UNC79: variants seen among roughly 807,000 people sequenced by gnomAD.
UNC79 encodes unc-79 subunit of NALCN channel complex.
UNC79 carries 37 observed loss-of-function variants against 283.1 expected under a neutral mutation model. The observed-to-expected ratio is 0.13, with a 90% CI of 0.10 to 0.17. The LOEUF (loss-of-function observed/expected upper bound fraction) is 0.17. Among genes scored for constraint, UNC79 ranks in the 10% least tolerant of loss-of-function variants. The pLI is 1.00. For synonymous variants in UNC79, 1,107 were observed against 1,200.2 expected (o/e 0.92, Z 1.61); for missense variants, 2,272 against 3,211.1 (o/e 0.71, Z 7.07).
At chr14:93,524,318 G>C (rs2060452061) in intron 8 of UNC79, among the ~76,000 whole-genome samples, 1 of 152,158 alleles carries the variant, frequency 6.6e-6, no homozygotes, top group African/African-American at 2.4e-5. Context: ...TGCTTACATG[G>C]TCCTTAACTG....
At chr14:93,367,224 G>A (rs542035586) in intron 1 of UNC79, among the ~76,000 whole-genome samples, 69 of 152,282 alleles carry the variant, frequency 4.5e-4, no homozygotes, top group Non-Finnish European at 8.1e-4. Context: ...ATCTAAGGAC[G>A]AGGAAGAAAT....
At chr14:93,627,189 G>A (rs2067633458) in intron 30 of UNC79, among the ~76,000 whole-genome samples, 1 of 152,128 alleles carries the variant, frequency 6.6e-6, no homozygotes, top group Admixed American at 6.5e-5. Flanking sequence ...TGACATATCT[G>A]CAGTCTTTGA....
chr14:93,655,279 C>T lies in UNC79; in HGVS notation c.6328C>T (p.Arg2110Cys), dbSNP rs751309067. The change falls in exon 38 of 49, where the codon CGC becomes TGC. Residue 2110 changes from arginine to cysteine, a missense_variant. Arg to Cys is a radical substitution (Grantham distance 180). This residue lies in a region of UNC79 where 287 missense variants were observed against 446.4 expected (regional missense o/e 0.64). Transcript: ENST00000555664. Reference sequence around the variant, plus strand: ...TTTACCAGCAGGGGGTGCTATGATTCGCTGTTTGGAAAACATTGCAACCTT... The same window carrying T: ...TTTACCAGCAGGGGGTGCTATGATTTGCTGTTTGGAAAACATTGCAACCTT... 11 of 1,613,976 alleles carry T rather than the reference C, an allele frequency of 6.8e-6. No homozygotes were observed. The highest frequency in any genetic ancestry group is 1.6e-4 in the Middle Eastern group (1 of 6,084).
intron 13 of UNC79, among the ~76,000 whole-genome samples, chr14:93,541,093 G>C (rs2061348478): frequency 6.6e-6 from 1 of 152,224 alleles, no homozygotes; most frequent in Non-Finnish European, 1.5e-5. Flanking sequence ...TGATTTTGAT[G>C]AAGAGCCAGG....
intron 35 of UNC79, among the ~76,000 whole-genome samples, chr14:93,653,307 A>T (rs567678426): frequency 2.1e-5 from 3 of 140,562 alleles, no homozygotes; most frequent in Non-Finnish European, 4.7e-5. Context: ...ATGAGAATGA[A>T]CATCTCTCTC....
chr14:93,367,065 C>G (rs2054351108), intron 1 of UNC79, among the ~76,000 whole-genome samples: 1 of 152,086 alleles, frequency 6.6e-6, no homozygotes, highest in South Asian at 2.1e-4. Context: ...ATCTGGGAGG[C>G]TTTCATACTG....
intron 30 of UNC79, among the ~76,000 whole-genome samples, chr14:93,630,527 A>T (rs945694658): frequency 6.6e-6 from 1 of 152,214 alleles, no homozygotes; most frequent in African/African-American, 2.4e-5. Context: ...TTGTTTGGGG[A>T]TATGCATTGT....
intron 1 of UNC79, among the ~76,000 whole-genome samples, chr14:93,335,826 T>C (rs993876441): frequency 1.1e-4 from 16 of 152,206 alleles, no homozygotes; most frequent in Non-Finnish European, 2.9e-5. Flanking sequence ...CCCTGGTCTT[T>C]TCATTTTTAG....
At chr14:93,542,478 A>G (rs200580956) in exon 14 of UNC79, 1 of 1,613,774 alleles carries the variant, frequency 6.2e-7, no homozygotes, top group Non-Finnish European at 8.5e-7. Flanking sequence ...GAGCCTCTGC[A>G]CACCCAGTGA....
chr14:93,593,653 C>A, intron 22 of UNC79, 27 bp from the exon 23 acceptor site: 2 of 1,592,838 alleles, frequency 1.3e-6, no homozygotes, highest in Non-Finnish European at 8.5e-7. Context: ...ATAACTGTCA[C>A]CACTTTGCTT....
chr14:93,349,443 A>G (rs557484134), intron 1 of UNC79, among the ~76,000 whole-genome samples: 22 of 152,178 alleles, frequency 1.4e-4, no homozygotes, highest in Non-Finnish European at 2.6e-4. Context: ...GTTCCTCACT[A>G]GTCAAGTACT....
At chr14:93,334,856 T>A (rs1346893077) in intron 1 of UNC79, 1 of 152,210 alleles carries the variant, frequency 6.6e-6, no homozygotes. Flanking sequence ...GGGGGATGAC[T>A]GTATTGCATT....
chr14:93,574,386 G>A (rs564858313), intron 16 of UNC79, among the ~76,000 whole-genome samples: 1 of 152,282 alleles, frequency 6.6e-6, no homozygotes, highest in Admixed American at 6.5e-5. Context: ...GCACGTACAA[G>A]AGCTCCCATG....
intron 22 of UNC79, among the ~76,000 whole-genome samples, chr14:93,589,648 G>A (rs1174095436): frequency 6.6e-6 from 1 of 152,112 alleles, no homozygotes; most frequent in African/African-American, 2.4e-5. Flanking sequence ...GTGCATCAAT[G>A]TCATGGGTTT....
intron 47 of UNC79, among the ~76,000 whole-genome samples, chr14:93,699,570 T>A (rs2075386124): frequency 6.6e-6 from 1 of 152,172 alleles, no homozygotes; most frequent in African/African-American, 2.4e-5. Flanking sequence ...TTTAGCTGTA[T>A]GTCTTTGTTG....
exon 14 of UNC79, chr14:93,542,559 A>G: frequency 6.2e-7 from 1 of 1,614,206 alleles, no homozygotes; most frequent in Non-Finnish European, 8.5e-7. Context: ...CACTGCGTAT[A>G]TGATGGATGA....
chr14:93,618,145 C>T, intron 28 of UNC79, 47 bp from the exon 30 acceptor site: 1 of 1,558,308 alleles, frequency 6.4e-7, no homozygotes, highest in Non-Finnish European at 8.7e-7. Flanking sequence ...AAAAGCTTAC[C>T]CTCTAAAATA....
At chr14:93,609,118 G>T (rs1163028286) in intron 26 of UNC79, among the ~76,000 whole-genome samples, 2 of 152,064 alleles carry the variant, frequency 1.3e-5, no homozygotes. Context: ...GAAATTTAAA[G>T]AATTTAGGGA....
In UNC79 at chr14:93,470,052, A is replaced by T. The variant is rs184037752; in HGVS notation, c.143+2261A>T. Among the ~76,000 whole-genome samples the T allele has an allele frequency of 2.1e-3, 283 of 131,800 alleles. 6 individuals are homozygous for T. Among genetic ancestry groups the T allele is most frequent in the Non-Finnish European group, 2.1e-4 (13 of 62,908 alleles). The allele number at this position is 131,800 out of a possible 152,430, so 86.5% of individuals were successfully genotyped here. A position where few individuals can be genotyped will look rare whatever the true frequency, so the allele number is the denominator to read the frequency against. On this transcript the variant is annotated intron_variant, in intron 2 of 48. Transcript: ENST00000555664. ...TAATATGATCTTTATGTTCAGAAGC[A>T]CTTCTTGCTTTCAGAACTCAGGTTC...
Sources: gnomAD v4.1 joint callset for allele counts (sites outside exome capture counted in the v4.1 genomes callset) on GRCh38, gnomAD v4.1.1 for gene constraint, gnomAD v4.1.1 regional missense constraint, MANE v1.5 for transcripts, NCBI Gene and HGNC (gene_info 2026-07-23, HGNC 2026-07-21) for gene names.